UBXN7: variants seen among roughly 807,000 people sequenced by gnomAD.
The protein encoded by UBXN7 is UBX domain-containing protein 7.
A neutral mutation model predicts 58.0 loss-of-function variants in UBXN7; 9 were observed. The ratio of observed to expected loss-of-function variants is 0.16; its 90% CI spans 0.09 to 0.27. The LOEUF (loss-of-function observed/expected upper bound fraction) is 0.27, where lower values mean the gene tolerates loss of function less well. Among genes scored for constraint, UBXN7 ranks in the 10% least tolerant of loss-of-function variants. UBXN7 has a pLI of 1.00. For synonymous variants in UBXN7, 208 were observed against 205.0 expected (o/e 1.01, Z -0.12); for missense variants, 328 against 599.6 (o/e 0.55, Z 4.73).
At chr3:196,385,949 AG>A (rs1343921140) in intron 5 of UBXN7, among the ~76,000 whole-genome samples, 6 of 152,204 alleles carry the variant, frequency 3.9e-5, no homozygotes. Flanking sequence ...GGGGAAATGT[AG>A]GGAAAGGAAG....
At chr3:196,426,634 A>C (rs1190782905) in intron 1 of UBXN7, among the ~76,000 whole-genome samples, 1 of 152,136 alleles carries the variant, frequency 6.6e-6, no homozygotes, top group African/African-American at 2.4e-5. Context: ...GGATCACCTG[A>C]GGTCGGGAGT....
intron 2 of UBXN7, among the ~76,000 whole-genome samples, chr3:196,406,038 T>G (rs1730151535): frequency 6.6e-6 from 1 of 151,258 alleles, no homozygotes; most frequent in Non-Finnish European, 1.5e-5. Context: ...TGTTTTTTGT[T>G]TTTTTTTTGA....
At chr3:196,367,400 A>G (rs145543805) in intron 8 of UBXN7, among the ~76,000 whole-genome samples, 139 of 152,292 alleles carry the variant, frequency 9.1e-4, no homozygotes, top group African/African-American at 3.2e-3. Context: ...AGGGCCAGAG[A>G]GCCAGGCCCT....
chr3:196,387,788 AAAC>A (rs1178877064), intron 5 of UBXN7, among the ~76,000 whole-genome samples: 1 of 152,186 alleles, frequency 6.6e-6, no homozygotes, highest in African/African-American at 2.4e-5. Context: ...AAAAGTCAGG[AAAC>A]AACAGATGCT....
chr3:196,401,298 TACACACACACACACACACACAC>T (rs71630187), intron 3 of UBXN7, among the ~76,000 whole-genome samples: 1 of 61,690 alleles, frequency 1.6e-5, no homozygotes, highest in East Asian at 4.6e-4. Context: ...TATATATATA[TACACACACACACACACACACAC>T]ATATATATAT....
chr3:196,386,010 G>C (rs1225992235), intron 5 of UBXN7, among the ~76,000 whole-genome samples: 1 of 152,162 alleles, frequency 6.6e-6, no homozygotes, highest in Non-Finnish European at 1.5e-5. Context: ...GGACATAGGA[G>C]ACTCCATTTT....
At chr3:196,365,249 TAAAAA>T (rs11317854) in intron 8 of UBXN7, among the ~76,000 whole-genome samples, 3 of 127,920 alleles carry the variant, frequency 2.3e-5, no homozygotes, top group African/African-American at 2.9e-5. Flanking sequence ...TTCCCCACCT[TAAAAA>T]AAAAAAAAAA....
chr3:196,404,471 C>A (rs1261160497), intron 2 of UBXN7, among the ~76,000 whole-genome samples: 1 of 152,042 alleles, frequency 6.6e-6, no homozygotes, highest in African/African-American at 2.4e-5. Flanking sequence ...ACTGCGTTAG[C>A]CAGGATGGTC....
At chr3:196,416,850 G>A (rs1022674559) in intron 1 of UBXN7, among the ~76,000 whole-genome samples, 2 of 152,026 alleles carry the variant, frequency 1.3e-5, no homozygotes, top group Non-Finnish European at 1.5e-5. Flanking sequence ...ATTTAGAGTC[G>A]ATATACAGAG....
intron 1 of UBXN7, among the ~76,000 whole-genome samples, chr3:196,420,274 T>C (rs147157637): frequency 0.026 from 3,986 of 152,228 alleles, 80 homozygotes; most frequent in South Asian, 0.081. Context: ...GTCTCATATC[T>C]GTAATCCCAG....
chr3:196,417,311 C>T (rs912370802), intron 1 of UBXN7, among the ~76,000 whole-genome samples: 1 of 151,994 alleles, frequency 6.6e-6, no homozygotes, highest in African/African-American at 2.4e-5. Flanking sequence ...GACTCCATCT[C>T]GAAAACTAAA....
intron 10 of UBXN7, among the ~76,000 whole-genome samples, chr3:196,359,288 A>T (rs1310367861): frequency 2.6e-5 from 4 of 152,148 alleles, no homozygotes; most frequent in African/African-American, 9.7e-5. Flanking sequence ...CAAACTTAAT[A>T]AAGAAGTATG....
At chr3:196,429,697 T>G (rs80282764) in intron 1 of UBXN7, among the ~76,000 whole-genome samples, 6 of 152,124 alleles carry the variant, frequency 3.9e-5, no homozygotes, top group African/African-American at 1.4e-4. Context: ...TTTTAAGACA[T>G]GTAAAAAAGG....
intron 1 of UBXN7, among the ~76,000 whole-genome samples, chr3:196,417,116 A>T (rs929910205): frequency 1.3e-5 from 2 of 152,150 alleles, no homozygotes; most frequent in African/African-American, 4.8e-5. Flanking sequence ...GATCGAGACC[A>T]TCCTGGCTAA....
rs748648908 is a variant in UBXN7, at chr3:196,356,804, G to A, written c.1351C>T (p.Arg451Cys). Residue 451 changes from arginine (R) to cysteine (C), a missense_variant, in exon 11 of 11, where the codon CGT (arginine) becomes TGT (cysteine). Physicochemically the swap from Arg to Cys is radical, Grantham distance 180 (BLOSUM62 -3). This residue lies in a region of UBXN7 where 30 missense variants were observed against 94.8 expected (regional missense o/e 0.32). Coordinates refer to ENST00000296328, the MANE Select transcript of UBXN7 (RefSeq NM_015562.2). ...HVQSKGYPNE[R>C]FELLTNFPRR... ...GGAAAGTTGGTGAGAAGTTCAAAAC[G>A]TTCATTTGGGTATCCTTTAGACTGC... is the stretch of plus-strand genomic sequence containing the variant. The A allele has an allele frequency of 1.9e-6, 3 of 1,613,408 alleles. No individual in the cohort carries two copies. The highest frequency in any genetic ancestry group is 1.7e-5 in the Admixed American group (1 of 59,790).
intron 10 of UBXN7, among the ~76,000 whole-genome samples, chr3:196,358,103 G>A (rs976932470): frequency 5.3e-5 from 8 of 152,188 alleles, no homozygotes; most frequent in Non-Finnish European, 8.8e-5. Flanking sequence ...AGCTGTGTTA[G>A]ATGAAAATGC....
At chr3:196,362,967 G>A (rs1055774096) in intron 8 of UBXN7, among the ~76,000 whole-genome samples, 5 of 151,944 alleles carry the variant, frequency 3.3e-5, no homozygotes, top group East Asian at 1.9e-4. Flanking sequence ...GCAGTGGCAC[G>A]AACTCGGCTC....
At position 196,417,040 on chromosome 3, in the gene UBXN7, G is replaced by A. The variant is rs567666012; in HGVS notation, c.74-9647C>T. Among the ~76,000 whole-genome samples, 223 of 152,318 alleles carry A rather than the reference G, an allele frequency of 1.5e-3. 2 individuals are homozygous for A. The highest frequency in any genetic ancestry group is 3.1e-3 in the Admixed American group (47 of 15,286). On this transcript the variant is annotated intron_variant, in intron 1 of 10. Coordinates refer to ENST00000296328, the MANE Select transcript of UBXN7 (RefSeq NM_015562.2). ...AGTTAAAATAAATGTACACACAGGC[G>A]CGGCGGCTCACGCCTGTAATCCCAG...
In UBXN7 at chr3:196,353,914, C is replaced by T. The variant is rs948906439; in HGVS notation, c.*2771G>A. 4 of 151,844 alleles carry T rather than the reference C, an allele frequency of 2.6e-5. No individual in the cohort carries two copies. Among genetic ancestry groups the T allele is most frequent in the African/African-American group, 9.7e-5 (4 of 41,276 alleles). The allele number at this position is 151,844 out of a possible 1,614,324, so 9.4% of individuals were successfully genotyped here. A position where few individuals can be genotyped will look rare whatever the true frequency, so the allele number is the denominator to read the frequency against. On this transcript the variant is annotated 3_prime_UTR_variant, in exon 11 of 11. Coordinates refer to ENST00000296328, the MANE Select transcript of UBXN7 (RefSeq NM_015562.2). ...CCTTTCAAGCTGTGTCCAACACCCA[C>T]AAGGAATGACTATTTTTAACTAATC...
Sources: gnomAD v4.1 joint callset for allele counts (sites outside exome capture counted in the v4.1 genomes callset) on GRCh38, gnomAD v4.1.1 for gene constraint, gnomAD v4.1.1 regional missense constraint, MANE v1.5 for transcripts, NCBI Gene and HGNC (gene_info 2026-07-23, HGNC 2026-07-21) for gene names.